Variants in COP1 observed in about 807,000 individuals in gnomAD.
COP1 encodes COP1 E3 ubiquitin ligase.
COP1 carries 24 observed loss-of-function variants against 101.3 expected under a neutral mutation model. The observed-to-expected ratio is 0.24, with a 90% confidence interval of 0.17 to 0.33. The LOEUF is 0.33. COP1 is among the 10% of genes least tolerant of loss of function. The probability of loss-of-function intolerance (pLI) is 1.00; values close to 1 mark genes in which losing one functional copy is unlikely to be tolerated. For missense variants in COP1, 663 were observed against 906.2 expected, an observed-to-expected ratio of 0.73 and a Z score of 3.45; for synonymous variants, 347 against 341.9, an observed-to-expected ratio of 1.01 and a Z score of -0.17.
intron 5 of COP1, among the ~76,000 whole-genome samples, chr1:176,156,510 T>A (rs749986742): frequency 6.6e-6 from 1 of 152,132 alleles, no homozygotes; most frequent in African/African-American, 2.4e-5. Flanking sequence ...TATTAGACTG[T>A]GTTTTTAAAA....
chr1:176,143,242 C>T (rs1396043056), intron 6 of COP1, among the ~76,000 whole-genome samples: 5 of 151,904 alleles, frequency 3.3e-5, no homozygotes, highest in African/African-American at 7.3e-5. Flanking sequence ...ACCAATCTTA[C>T]GCCAATAAAT....
intron 16 of COP1, 50 bp downstream of exon 16, chr1:175,989,311 TA>T (rs1557856806): frequency 1.1e-6 from 1 of 881,074 alleles, no homozygotes; most frequent in Admixed American, 1.7e-5. Context: ...AGCTGGTAGG[TA>T]AGTACAGAGC....
intron 18 of COP1, among the ~76,000 whole-genome samples, chr1:175,962,710 C>A (rs1382221113): frequency 1.3e-5 from 2 of 152,104 alleles, no homozygotes; most frequent in African/African-American, 4.8e-5. Context: ...TAGAAAAGAA[C>A]TTTGCTTCCC....
At chr1:176,024,145 G>A (rs1667276779) in intron 15 of COP1, among the ~76,000 whole-genome samples, 1 of 152,132 alleles carries the variant, frequency 6.6e-6, no homozygotes. Flanking sequence ...CGTAGTCCCA[G>A]CTTCTCAGGA....
At chr1:176,109,851 A>G (rs1192416623) in intron 9 of COP1, among the ~76,000 whole-genome samples, 1 of 151,964 alleles carries the variant, frequency 6.6e-6, no homozygotes, top group African/African-American at 2.4e-5. Context: ...TGGTCTTTCT[A>G]TATTTACCAT....
chr1:176,116,083 A>C (rs1160320559), intron 9 of COP1, among the ~76,000 whole-genome samples: 6 of 152,194 alleles, frequency 3.9e-5, no homozygotes, highest in African/African-American at 9.6e-5. Flanking sequence ...ATTAACAGTA[A>C]GTTTTAAAAA....
chr1:176,163,734 C>T (rs1694696726), intron 4 of COP1, 81 bp downstream of exon 4: 3 of 871,158 alleles, frequency 3.4e-6, no homozygotes, highest in Non-Finnish European at 5.3e-6. Context: ...ATATACTAAA[C>T]TTTAACATCT....
rs143549335 is a variant in COP1 at position 176,089,299 on chromosome 1, T to TAACAACAACAACAAC, written c.1027-3424_1027-3410dup. Among the ~76,000 whole-genome samples, 751 of 150,596 alleles carry TAACAACAACAACAAC rather than the reference T, an allele frequency of 5.0e-3. 5 individuals are homozygous for TAACAACAACAACAAC. Among genetic ancestry groups the TAACAACAACAACAAC allele is most frequent in the Non-Finnish European group, 7.4e-3 (501 of 67,738 alleles). On this transcript the variant is annotated intron_variant, in intron 9 of 19. Coordinates refer to ENST00000367669, the MANE Select transcript of COP1 (RefSeq NM_022457.7). Reference sequence around the variant, plus strand: ...CAGACTGAGACTCTGTCTAAAACAATAACAACAACAACAACAACAACAACA... The same window carrying TAACAACAACAACAAC: ...CAGACTGAGACTCTGTCTAAAACAATAACAACAACAACAACAACAACAACAACAACAACAACAACA...
intron 8 of COP1, among the ~76,000 whole-genome samples, chr1:176,133,261 T>C (rs958074456): frequency 6.6e-6 from 1 of 151,138 alleles, no homozygotes; most frequent in African/African-American, 2.4e-5. Flanking sequence ...CATACGTATA[T>C]ACGTACGTAT....
chr1:176,037,375 C>G (rs1210293329), intron 14 of COP1, among the ~76,000 whole-genome samples: 3 of 151,116 alleles, frequency 2.0e-5, no homozygotes, highest in Admixed American at 1.3e-4. Flanking sequence ...CCACTTCACT[C>G]CAGCCTGGGC....
intron 3 of COP1, among the ~76,000 whole-genome samples, chr1:176,172,867 T>C (rs1345201181): frequency 6.6e-6 from 1 of 152,196 alleles, no homozygotes; most frequent in Admixed American, 6.5e-5. Flanking sequence ...GATTTGGCTA[T>C]CACTGAACAA....
At chr1:176,007,108 T>C (rs1470871715) in intron 15 of COP1, among the ~76,000 whole-genome samples, 2 of 152,210 alleles carry the variant, frequency 1.3e-5, no homozygotes, top group Non-Finnish European at 2.9e-5. Flanking sequence ...CTTCCATCGC[T>C]GATACCCTTT....
At chr1:176,180,647 TCTA>T (rs1442088423) in intron 2 of COP1, among the ~76,000 whole-genome samples, 2 of 152,220 alleles carry the variant, frequency 1.3e-5, no homozygotes, top group Non-Finnish European at 2.9e-5. Flanking sequence ...GGTTGTTTCT[TCTA>T]CTATGTATAT....
intron 14 of COP1, among the ~76,000 whole-genome samples, chr1:176,034,700 T>C (rs1436678535): frequency 1.3e-5 from 2 of 152,200 alleles, no homozygotes; most frequent in Non-Finnish European, 2.9e-5. Context: ...TTCTGAGCTG[T>C]GTATGTGCAA....
chr1:176,087,223 A>C (rs1436025512), intron 9 of COP1, among the ~76,000 whole-genome samples: 1 of 152,236 alleles, frequency 6.6e-6, no homozygotes, highest in African/African-American at 2.4e-5. Flanking sequence ...TTAAAACACC[A>C]AAAGCAATGG....
intron 1 of COP1, among the ~76,000 whole-genome samples, chr1:176,185,547 T>G (rs1477696250): frequency 1.3e-5 from 2 of 152,362 alleles, no homozygotes; most frequent in Middle Eastern, 6.8e-3. Flanking sequence ...CATCAGTTTC[T>G]AAGGGGCCAC....
chr1:176,157,623 T>C (rs1693675427), intron 5 of COP1, among the ~76,000 whole-genome samples: 1 of 152,152 alleles, frequency 6.6e-6, no homozygotes, highest in African/African-American at 2.4e-5. Context: ...CTATCATACC[T>C]TAAAAACAAG....
At chr1:176,028,866 TC>T (rs1318873386) in intron 14 of COP1, among the ~76,000 whole-genome samples, 2 of 151,412 alleles carry the variant, frequency 1.3e-5, no homozygotes, top group Non-Finnish European at 1.5e-5. Context: ...CAGGTGATTC[TC>T]CCCACTCAGC....
chr1:176,054,611 G>A (rs566096324), intron 11 of COP1, among the ~76,000 whole-genome samples: 2 of 152,096 alleles, frequency 1.3e-5, no homozygotes, highest in South Asian at 2.1e-4. Flanking sequence ...CATTCCGAAC[G>A]ATGTGCTCCT....
Sources: gnomAD v4.1 joint callset for allele counts (sites outside exome capture counted in the v4.1 genomes callset) on GRCh38, gnomAD v4.1.1 for gene constraint, MANE v1.5 for transcripts, NCBI Gene and HGNC (gene_info 2026-07-23, HGNC 2026-07-21) for gene names.